RARB: variants seen among roughly 807,000 people sequenced by gnomAD.
RARB encodes the protein retinoic acid receptor beta.
A neutral mutation model predicts 51.9 loss-of-function variants in RARB; 17 were observed. The observed-to-expected ratio is 0.33, with a 90% CI of 0.22 to 0.49. The LOEUF is 0.49. Among genes scored for constraint, RARB ranks in the 20% least tolerant of loss-of-function variants. The probability of loss-of-function intolerance (pLI) is 0.99; values close to 1 mark genes in which losing one functional copy is unlikely to be tolerated. For synonymous variants in RARB, 215 were observed against 195.4 expected, an observed-to-expected ratio of 1.10 and a Z score of -0.84; for missense variants, 369 against 550.8, an observed-to-expected ratio of 0.67 and a Z score of 3.30.
At chr3:24,902,517 G>A (rs1326693924) in intron 2 of RARB, among the ~76,000 whole-genome samples, 1 of 152,120 alleles carries the variant, frequency 6.6e-6, no homozygotes, top group African/African-American at 2.4e-5. Flanking sequence ...TGGGGACAAC[G>A]TGAGGATGAT....
intron 3 of RARB, among the ~76,000 whole-genome samples, chr3:25,078,516 C>CA (rs766757973): frequency 2.7e-5 from 4 of 147,676 alleles, no homozygotes; most frequent in Non-Finnish European, 5.9e-5. Context: ...TAAGATAGTG[C>CA]AAGTCCTCCA....
intron 5 of RARB, among the ~76,000 whole-genome samples, chr3:25,196,873 G>T (rs985373180): frequency 2.6e-5 from 4 of 152,106 alleles, no homozygotes; most frequent in African/African-American, 7.2e-5. Flanking sequence ...GTCTTCTTTT[G>T]AGAAGTGTTG....
intron 4 of RARB, among the ~76,000 whole-genome samples, chr3:25,140,298 A>G (rs936621017): frequency 3.9e-5 from 6 of 152,234 alleles, no homozygotes; most frequent in African/African-American, 1.4e-4. Context: ...CATTAACAAC[A>G]TTTGTGATTC....
intron 2 of RARB, among the ~76,000 whole-genome samples, chr3:24,871,964 G>A (rs1006784068): frequency 1.3e-5 from 2 of 151,944 alleles, no homozygotes; most frequent in Non-Finnish European, 2.9e-5. Context: ...TCTGATCCAC[G>A]GTCATCTCTT....
At chr3:25,364,086 G>A (rs910920483) in intron 5 of RARB, among the ~76,000 whole-genome samples, 2 of 151,560 alleles carry the variant, frequency 1.3e-5, no homozygotes, top group African/African-American at 4.9e-5. Flanking sequence ...TTCTTATATA[G>A]CACTTCTTAT....
intron 5 of RARB, among the ~76,000 whole-genome samples, chr3:25,307,632 G>T (rs1235194831): frequency 1.3e-5 from 2 of 152,152 alleles, no homozygotes; most frequent in African/African-American, 4.8e-5. Context: ...AGAGCTTTCT[G>T]CACCCCCTGC....
intron 3 of RARB, among the ~76,000 whole-genome samples, chr3:25,560,980 A>C (rs1700246808): frequency 6.6e-6 from 1 of 152,140 alleles, no homozygotes; most frequent in African/African-American, 2.4e-5. Flanking sequence ...TATATATCTA[A>C]ATATATATGA....
At chr3:25,320,405 G>T (rs1023801369) in intron 5 of RARB, among the ~76,000 whole-genome samples, 1 of 152,120 alleles carries the variant, frequency 6.6e-6, no homozygotes, top group African/African-American at 2.4e-5. Context: ...ATCGTCTTTA[G>T]AGCTGATCCA....
In RARB at chr3:24,989,647, T is replaced by C. The variant is rs1696868405; in HGVS notation, c.-379-70478T>C. 2.8e-5 allele frequency among the ~76,000 whole-genome samples: 3 copies of C among 108,802 alleles called. 1 individual carries two copies. In the South Asian group the frequency reaches 1.0e-3, roughly 37 times the overall value. The allele number at this position is 108,802 out of a possible 152,430, so 71.4% of individuals were successfully genotyped here. A position where few individuals can be genotyped will look rare whatever the true frequency, so the allele number is the denominator to read the frequency against. On this transcript the variant is annotated intron_variant, in intron 2 of 11. Transcript: ENST00000383772. ...CTCATCTTTTATTTCTCTTATTTAC[T>C]CTTTTCTTTTTAGACATTTTATTGT...
chr3:25,235,933 T>G (rs552294225), intron 5 of RARB, among the ~76,000 whole-genome samples: 27 of 152,296 alleles, frequency 1.8e-4, no homozygotes, highest in African/African-American at 6.0e-4. Flanking sequence ...TTCTTATATT[T>G]TAAATCAACT....
intron 4 of RARB, among the ~76,000 whole-genome samples, chr3:25,163,255 G>A (rs1348219537): frequency 1.3e-5 from 2 of 152,070 alleles, no homozygotes; most frequent in Non-Finnish European, 2.9e-5. Flanking sequence ...TATGATCCCG[G>A]CACTTCAGGA....
At chr3:25,209,454 T>G (rs1559506850) in intron 5 of RARB, among the ~76,000 whole-genome samples, 1 of 152,222 alleles carries the variant, frequency 6.6e-6, no homozygotes, top group Non-Finnish European at 1.5e-5. Flanking sequence ...GAGTTCATAC[T>G]TCATGTCCAT....
rs575076674 is a variant in RARB at position 24,965,439 on chromosome 3, T to C, written c.-379-94686T>C. Among the ~76,000 whole-genome samples, 12 of 152,174 alleles carry C rather than the reference T, an allele frequency of 7.9e-5. No individual in the cohort carries two copies. In the Middle Eastern group the frequency reaches 0.014, roughly 173 times the overall value. On this transcript the variant is annotated intron_variant, in intron 2 of 11. Transcript: ENST00000383772. ...AGGCTTTGTCTTCCAGCTTTATGAGTAAAACAGGGTAAAGCTAAAAGAAGA... is the reference window on the plus strand; with the variant it reads ...AGGCTTTGTCTTCCAGCTTTATGAGCAAAACAGGGTAAAGCTAAAAGAAGA...
intron 5 of RARB, among the ~76,000 whole-genome samples, chr3:25,309,585 C>T (rs1041179575): frequency 2.7e-5 from 4 of 150,196 alleles, no homozygotes; most frequent in African/African-American, 9.8e-5. Flanking sequence ...GCAACCTCCC[C>T]CTCCCGAGTT....
At chr3:24,946,633 C>T (rs1232037389) in intron 2 of RARB, among the ~76,000 whole-genome samples, 2 of 152,036 alleles carry the variant, frequency 1.3e-5, no homozygotes, top group Non-Finnish European at 2.9e-5. Flanking sequence ...CTTTGGGAGG[C>T]TGAGGCAGGA....
intron 2 of RARB, among the ~76,000 whole-genome samples, chr3:25,032,339 A>G (rs1359584433): frequency 6.6e-6 from 1 of 152,206 alleles, no homozygotes; most frequent in Non-Finnish European, 1.5e-5. Context: ...AGTAAAAGCT[A>G]ATGGCCCTAT....
At chr3:25,037,834 C>T (rs778153838) in intron 2 of RARB, among the ~76,000 whole-genome samples, 1 of 151,896 alleles carries the variant, frequency 6.6e-6, no homozygotes, top group Non-Finnish European at 1.5e-5. Context: ...GTGTTGGGGA[C>T]CTTAGCTTGA....
At chr3:24,884,277 A>G (rs893319459) in intron 2 of RARB, among the ~76,000 whole-genome samples, 1 of 152,214 alleles carries the variant, frequency 6.6e-6, no homozygotes, top group African/African-American at 2.4e-5. Context: ...TTGATTCTCC[A>G]GTAAAGGAGG....
intron 1 of RARB, among the ~76,000 whole-genome samples, chr3:24,858,374 G>T (rs1222535870): frequency 2.0e-5 from 3 of 152,086 alleles, no homozygotes; most frequent in African/African-American, 7.2e-5. Context: ...GAATTCTTTT[G>T]CATTTAAAGC....
Sources: gnomAD v4.1 joint callset for allele counts (sites outside exome capture counted in the v4.1 genomes callset) on GRCh38, gnomAD v4.1.1 for gene constraint, MANE v1.5 for transcripts, NCBI Gene and HGNC (gene_info 2026-07-23, HGNC 2026-07-21) for gene names.